EPHB4: variants seen among roughly 807,000 people sequenced by gnomAD.
EPHB4 encodes the protein ephrin type-B receptor 4.
EPHB4 carries 50 observed loss-of-function variants against 110.6 expected under a neutral mutation model. The observed-to-expected ratio is 0.45, with a 90% CI of 0.36 to 0.57. The LOEUF (loss-of-function observed/expected upper bound fraction) is 0.57. Among genes scored for constraint, EPHB4 ranks in the 20% least tolerant of loss-of-function variants. EPHB4 has a pLI of 0.00. For synonymous variants in EPHB4, 592 were observed against 578.4 expected (o/e 1.02, Z -0.34); for missense variants, 1,128 against 1,382.1 (o/e 0.82, Z 2.91).
chr7:100,814,574 A>G (rs552802725), intron 8 of EPHB4, among the ~76,000 whole-genome samples: 1 of 152,370 alleles, frequency 6.6e-6, no homozygotes, highest in South Asian at 2.1e-4. Context: ...CCACAAAAAA[A>G]TCTCCATTCA....
At chr7:100,803,852 G>T (rs1812754927) in intron 16 of EPHB4, among the ~76,000 whole-genome samples, 1 of 152,188 alleles carries the variant, frequency 6.6e-6, no homozygotes, top group Non-Finnish European at 1.5e-5. Context: ...AGAAAAGAGA[G>T]AAAAGCCCGC....
intron 16 of EPHB4, 31 bp from the exon 17 acceptor site, chr7:100,803,621 C>G (rs1347981407): frequency 6.4e-7 from 1 of 1,564,092 alleles, no homozygotes; most frequent in South Asian, 1.2e-5. Context: ...TTGGTGAGAC[C>G]CTAGGTTCCC....
chr7:100,812,715 G>A (rs771296488), intron 12 of EPHB4, 32 bp downstream of exon 12: 19 of 1,596,618 alleles, frequency 1.2e-5, no homozygotes, highest in East Asian at 2.2e-5. Flanking sequence ...TGGGAACTCC[G>A]GGTGGCCGCA....
At chr7:100,808,051 A>G (rs1402771269) in intron 12 of EPHB4, among the ~76,000 whole-genome samples, 1 of 152,132 alleles carries the variant, frequency 6.6e-6, no homozygotes, top group Non-Finnish European at 1.5e-5. Flanking sequence ...AAGTTTTCTC[A>G]GCTCTTGCTA....
At chr7:100,817,889 CAG>C (rs1435136299) in intron 7 of EPHB4, among the ~76,000 whole-genome samples, 1 of 56,318 alleles carries the variant, frequency 1.8e-5, no homozygotes, top group African/African-American at 5.9e-5. Context: ...TTTTTGGAGA[CAG>C]AGTCTTGTTC....
At chr7:100,810,809 T>C (rs992708312) in intron 12 of EPHB4, among the ~76,000 whole-genome samples, 8 of 151,988 alleles carry the variant, frequency 5.3e-5, no homozygotes, top group Admixed American at 3.3e-4. Context: ...TGGATCCTGG[T>C]TGGAATAAAG....
rs189292173 is a variant in EPHB4, at chr7:100,804,418, G to A, written c.2834+748C>T. Among the ~76,000 whole-genome samples, 6 of 144,152 alleles carry A rather than the reference G, an allele frequency of 4.2e-5. No homozygotes were observed. The East Asian group carries it at 8.4e-4, about 20-fold the overall frequency. 94.6% of individuals were successfully genotyped at this position (144,152 alleles called of 152,430 possible). On this transcript the variant is annotated intron_variant, in intron 16 of 16. Coordinates refer to ENST00000358173, the MANE Select transcript of EPHB4 (RefSeq NM_004444.5). The stretch of plus-strand genomic sequence containing the variant: ...CAACCTCCACCTCCCGGGTTCAAGC[G>A]ATTCTCCTGCCTCAGCCTCCTCAGT...
chr7:100,816,415 C>T (rs539400102), intron 8 of EPHB4, among the ~76,000 whole-genome samples: 14 of 151,454 alleles, frequency 9.2e-5, no homozygotes, highest in African/African-American at 3.4e-4. Context: ...CTCACTGCAA[C>T]CTCCACCTCC....
chr7:100,823,560 C>T (rs1813294475), intron 3 of EPHB4, 84 bp downstream of exon 3: 1 of 1,540,866 alleles, frequency 6.5e-7, no homozygotes, highest in South Asian at 1.2e-5. Context: ...GGCCTCGCAA[C>T]TACATCGGCT....
At chr7:100,825,187 G>A (rs528126402) in intron 1 of EPHB4, 1 of 152,202 alleles carries the variant, frequency 6.6e-6, no homozygotes, top group African/African-American at 2.4e-5. Context: ...CAGGAGAGAA[G>A]AGAAAGAGGG....
chr7:100,807,229 T>C (rs1584654204), intron 13 of EPHB4, 136 bp downstream of exon 13: 1 of 840,412 alleles, frequency 1.2e-6, no homozygotes, highest in East Asian at 2.6e-5. Flanking sequence ...TGGAGCTGAC[T>C]GTCCCCCCAC....
intron 16 of EPHB4, 95 bp downstream of exon 16, chr7:100,805,071 C>G (rs1812786469): frequency 1.4e-6 from 2 of 1,457,568 alleles, no homozygotes; most frequent in Non-Finnish European, 1.8e-6. Flanking sequence ...AGCATTGGCA[C>G]CCGAAGCTGA....
chr7:100,816,332 C>A (rs76443052), intron 8 of EPHB4, among the ~76,000 whole-genome samples: 1 of 150,890 alleles, frequency 6.6e-6, no homozygotes, highest in Non-Finnish European at 1.5e-5. Flanking sequence ...GTCAAGCCTG[C>A]GGTGAGCTTT....
rs1406605659 is a variant in EPHB4, at chr7:100,812,949, T to C, written c.1916A>G (p.Lys639Arg). The change falls in exon 12 of 17, where the codon AAG becomes AGG. Residue 639 changes from lysine to arginine, a missense_variant. This residue lies in a region of EPHB4 where 191 missense variants were observed against 313.0 expected (regional missense o/e 0.61). Coordinates refer to ENST00000358173, the MANE Select transcript of EPHB4 (RefSeq NM_004444.5). ...VCRGRLKAPG[K>R]KESCVAIKTL... ...CTTGATTGCCACACAGCTCTCCTTC[T>C]TCCCTGGGGCCTTGAGCCGCCCCCG... 2 of 1,614,016 alleles carry C rather than the reference T, an allele frequency of 1.2e-6. No individual in the cohort carries two copies. Among genetic ancestry groups the C allele is most frequent in the Admixed American group, 1.7e-5 (1 of 60,016 alleles).
chr7:100,817,234 C>T lies in EPHB4; in HGVS notation c.1546G>A (p.Gly516Arg), dbSNP rs776305185. ...QVRARSEAGYGPFGQEHHSQT... is the reference protein window; with the variant it reads ...QVRARSEAGYRPFGQEHHSQT... ...CTGTGATGTTCCTGGCCGAAGGGCC[C>T]GTAGCCGGCCTCAGAGCGCGCCCGT... Residue 516 changes from glycine (G) to arginine (R), a missense_variant, in exon 8 of 17, where the codon GGG becomes AGG. This residue lies in a region of EPHB4 where 728 missense variants were observed against 828.6 expected (regional missense o/e 0.88). Coordinates refer to ENST00000358173, the MANE Select transcript of EPHB4 (RefSeq NM_004444.5). The T allele has an allele frequency of 5.0e-6, 8 of 1,600,346 alleles. No homozygotes were observed. Among genetic ancestry groups the T allele is most frequent in the East Asian group, 2.3e-5 (1 of 43,350 alleles).
At chr7:100,814,089 G>T in intron 8 of EPHB4, 68 bp from the exon 9 acceptor site, 1 of 1,559,646 alleles carries the variant, frequency 6.4e-7, no homozygotes, top group South Asian at 1.2e-5. Context: ...CCCCGGCTTT[G>T]AGCAATGAAC....
At chr7:100,810,651 G>A (rs890957040) in intron 12 of EPHB4, among the ~76,000 whole-genome samples, 2 of 152,174 alleles carry the variant, frequency 1.3e-5, no homozygotes, top group Admixed American at 6.6e-5. Context: ...GCTGAGGCAG[G>A]AGGATCACCT....
intron 12 of EPHB4, among the ~76,000 whole-genome samples, chr7:100,811,869 T>TAAA (rs764889610): frequency 7.6e-6 from 1 of 132,280 alleles, no homozygotes; most frequent in Non-Finnish European, 1.6e-5. Flanking sequence ...GACTCTGTCT[T>TAAA]AAAAAAAAAA....
intron 16 of EPHB4, 72 bp from the exon 17 acceptor site, chr7:100,803,662 A>C: frequency 6.6e-7 from 1 of 1,504,426 alleles, no homozygotes; most frequent in Non-Finnish European, 9.0e-7. Flanking sequence ...GGCTCCTGAG[A>C]CGGTCCTAGC....
Sources: allele counts gnomAD v4.1 joint callset (sites outside exome capture counted in the v4.1 genomes callset), GRCh38; gene constraint gnomAD v4.1.1; regional missense constraint gnomAD v4.1.1; transcripts MANE v1.5; gene names NCBI Gene and HGNC (gene_info 2026-07-23, HGNC 2026-07-21).